The following ATP9B variants were observed in gnomAD, a reference collection of about 807,000 sequenced individuals.
The protein encoded by ATP9B is probable phospholipid-transporting ATPase IIB.
In ATP9B, 110 loss-of-function variants were observed where a neutral mutation model predicts 146.1. The ratio of observed to expected loss-of-function variants is 0.75; its 90% CI spans 0.65 to 0.88. The LOEUF is 0.88. ATP9B is among the 40% of genes least tolerant of loss of function. ATP9B has a pLI of 0.00. For synonymous variants in ATP9B, 604 were observed against 569.7 expected, an observed-to-expected ratio of 1.06 and a Z score of -0.86; for missense variants, 1,499 against 1,496.4, an observed-to-expected ratio of 1.00 and a Z score of -0.03.
At chr18:79,281,853 G>T (rs1353460097) in intron 13 of ATP9B, among the ~76,000 whole-genome samples, 4 of 152,220 alleles carry the variant, frequency 2.6e-5, no homozygotes, top group Non-Finnish European at 4.4e-5. Flanking sequence ...GTGAAACCCT[G>T]TCTCTACTAA....
chr18:79,324,223 A>G (rs1260647944), intron 15 of ATP9B, among the ~76,000 whole-genome samples: 1 of 151,944 alleles, frequency 6.6e-6, no homozygotes, highest in Non-Finnish European at 1.5e-5. Context: ...CTCAGTGGGT[A>G]GTTTGCAAAT....
At chr18:79,155,173 A>G (rs1025904568) in intron 7 of ATP9B, among the ~76,000 whole-genome samples, 1 of 152,242 alleles carries the variant, frequency 6.6e-6, no homozygotes, top group African/African-American at 2.4e-5. Context: ...CAACTTTCAA[A>G]GAGTTTATAG....
chr18:79,307,504 C>T, intron 15 of ATP9B: 1 of 433,254 alleles, frequency 2.3e-6, no homozygotes, highest in Non-Finnish European at 4.1e-6. Flanking sequence ...ATGAGAAATA[C>T]CAGCGAGGTT....
intron 26 of ATP9B, 126 bp from the exon 27 acceptor site, chr18:79,372,699 C>T (rs982145620): frequency 3.6e-5 from 27 of 739,938 alleles, no homozygotes; most frequent in Non-Finnish European, 5.0e-5. Flanking sequence ...GACCAGGTGG[C>T]TGGGGTGGCA....
intron 21 of ATP9B, 112 bp downstream of exon 21, chr18:79,344,466 A>C: frequency 1.1e-6 from 1 of 921,280 alleles, no homozygotes; most frequent in Non-Finnish European, 1.7e-6. Flanking sequence ...GAGTGAGTAC[A>C]TGTCTGTCTG....
intron 16 of ATP9B, 53 bp downstream of exon 16, chr18:79,329,355 A>G (rs542399533): frequency 1.5e-4 from 220 of 1,455,978 alleles, no homozygotes; most frequent in Non-Finnish European, 1.9e-4. Context: ...TTGTTTTCAC[A>G]CCTTTTAAAC....
rs1207324660 is a variant in ATP9B, at chr18:79,336,770, T to C, written c.2112+59T>C. On this transcript the variant is annotated intron_variant, in intron 18 of 29. Coordinates refer to ENST00000426216, the MANE Select transcript of ATP9B (RefSeq NM_198531.5). The stretch of plus-strand genomic sequence containing the variant: ...GACGTTTCCTTCCTTACGCTGAAAT[T>C]AGTTCTTCCTGTCTTTGTATGAAAT... 7 of 1,525,954 alleles carry C rather than the reference T, an allele frequency of 4.6e-6. No homozygotes were observed. The East Asian group carries it at 1.4e-4, about 30-fold the overall frequency. 94.5% of individuals were successfully genotyped at this position (1,525,954 alleles called of 1,614,324 possible). A position where few individuals can be genotyped will look rare whatever the true frequency, so the allele number is the denominator to read the frequency against.
intron 17 of ATP9B, among the ~76,000 whole-genome samples, chr18:79,330,709 A>G (rs975577808): frequency 6.6e-6 from 1 of 152,208 alleles, no homozygotes; most frequent in African/African-American, 2.4e-5. Flanking sequence ...CACCATGCCC[A>G]GCCAATAATT....
chr18:79,377,398 C>G lies in ATP9B; in HGVS notation c.*15C>G, dbSNP rs943278016. On this transcript the variant is annotated 3_prime_UTR_variant, in exon 30 of 30. Transcript: ENST00000426216. ...TGGCCTCCTAAGGGGCTGTGCACCC[C>G]CAGCGGGCTGGCCCCAGCACCTTCT... 1.2e-6 allele frequency: 2 copies of G among 1,604,432 alleles called. No individual in the cohort carries two copies. The highest frequency in any genetic ancestry group is 1.3e-5 in the African/African-American group (1 of 74,934).
intron 1 of ATP9B, among the ~76,000 whole-genome samples, chr18:79,071,629 C>G (rs1350919628): frequency 6.6e-6 from 1 of 151,814 alleles, no homozygotes; most frequent in Non-Finnish European, 1.5e-5. Flanking sequence ...TGTCATCCTC[C>G]CAGAGTGTTA....
chr18:79,216,773 A>G (rs963304138), intron 11 of ATP9B, among the ~76,000 whole-genome samples: 4 of 152,164 alleles, frequency 2.6e-5, no homozygotes, highest in African/African-American at 9.7e-5. Flanking sequence ...TGTTGGCAGA[A>G]TATATCTCAT....
chr18:79,184,154 C>T (rs1419201607), intron 8 of ATP9B, among the ~76,000 whole-genome samples: 2 of 152,168 alleles, frequency 1.3e-5, no homozygotes, highest in African/African-American at 2.4e-5. Flanking sequence ...ATTCATTTAT[C>T]ATTTTAACCA....
At chr18:79,193,061 A>G (rs925103929) in intron 8 of ATP9B, 122 bp from the exon 9 acceptor site, 2 of 750,536 alleles carry the variant, frequency 2.7e-6, no homozygotes, top group Non-Finnish European at 4.2e-6. Context: ...CAAAAATCTA[A>G]GAAAATCAAT....
chr18:79,260,964 A>G (rs997787211), intron 12 of ATP9B, among the ~76,000 whole-genome samples: 1 of 152,144 alleles, frequency 6.6e-6, no homozygotes, highest in African/African-American at 2.4e-5. Flanking sequence ...CCACCACTGT[A>G]TTTTGGGAGC....
At chr18:79,266,080 C>T (rs977563419) in intron 12 of ATP9B, among the ~76,000 whole-genome samples, 8 of 152,166 alleles carry the variant, frequency 5.3e-5, no homozygotes, top group Admixed American at 3.9e-4. Flanking sequence ...GTTCTCTATT[C>T]TGTTTCATTC....
intron 11 of ATP9B, among the ~76,000 whole-genome samples, chr18:79,219,544 GA>G (rs1424763179): frequency 2.2e-5 from 2 of 92,752 alleles, no homozygotes; most frequent in African/African-American, 1.0e-4. Context: ...TAAGATTACT[GA>G]AAAGAAAATC....
At chr18:79,366,323 G>A (rs1046412521) in intron 26 of ATP9B, among the ~76,000 whole-genome samples, 1 of 152,220 alleles carries the variant, frequency 6.6e-6, no homozygotes, top group African/African-American at 2.4e-5. Flanking sequence ...GAGGAATGCA[G>A]ACAGCGGCCC....
intron 1 of ATP9B, among the ~76,000 whole-genome samples, chr18:79,088,269 A>G (rs142086004): frequency 7.2e-5 from 11 of 152,364 alleles, no homozygotes; most frequent in African/African-American, 2.6e-4. Context: ...TAACTGTTGA[A>G]TAACTTAATG....
chr18:79,185,552 G>C (rs535960973), intron 8 of ATP9B, among the ~76,000 whole-genome samples: 2 of 152,142 alleles, frequency 1.3e-5, no homozygotes, highest in Non-Finnish European at 2.9e-5. Flanking sequence ...CCACCAAAAA[G>C]CAGTATATCC....
Sources: allele counts gnomAD v4.1 joint callset (sites outside exome capture counted in the v4.1 genomes callset), GRCh38; gene constraint gnomAD v4.1.1; transcripts MANE v1.5; gene names NCBI Gene and HGNC (gene_info 2026-07-23, HGNC 2026-07-21).